MAGI1: variants seen among roughly 807,000 people sequenced by gnomAD.
The protein encoded by MAGI1 is membrane associated guanylate kinase, WW and PDZ domain containing 1, also known as membrane-associated guanylate kinase, WW and PDZ domain-containing protein 1.
MAGI1 carries 58 observed loss-of-function variants against 139.9 expected under a neutral mutation model. The ratio of observed to expected loss-of-function variants is 0.41; its 90% CI spans 0.34 to 0.52. The LOEUF (loss-of-function observed/expected upper bound fraction) is 0.52. MAGI1 is among the 20% of genes least tolerant of loss of function. MAGI1 has a pLI of 0.12. For missense variants in MAGI1, 1,874 were observed against 1,901.6 expected, an observed-to-expected ratio of 0.99 and a Z score of 0.27; for synonymous variants, 812 against 737.9, an observed-to-expected ratio of 1.10 and a Z score of -1.63.
At chr3:65,859,059 A>G (rs1357222871) in intron 1 of MAGI1, among the ~76,000 whole-genome samples, 1 of 152,168 alleles carries the variant, frequency 6.6e-6, no homozygotes, top group Non-Finnish European at 1.5e-5. Flanking sequence ...CTGGCTAGGC[A>G]TGGTGGCTTA....
chr3:65,631,211 G>A (rs1282651686), intron 1 of MAGI1, among the ~76,000 whole-genome samples: 2 of 152,140 alleles, frequency 1.3e-5, no homozygotes, highest in Non-Finnish European at 2.9e-5. Context: ...CATGATGGAG[G>A]AAGACACCAC....
At chr3:65,858,678 A>G (rs954197050) in intron 1 of MAGI1, among the ~76,000 whole-genome samples, 2 of 152,178 alleles carry the variant, frequency 1.3e-5, no homozygotes, top group African/African-American at 4.8e-5. Context: ...GTGACCAGAA[A>G]TCTTTGCTTT....
intron 1 of MAGI1, among the ~76,000 whole-genome samples, chr3:65,763,753 A>T (rs924619469): frequency 7.1e-6 from 1 of 141,450 alleles, no homozygotes; most frequent in Non-Finnish European, 1.5e-5. Context: ...AAGTGCTTTT[A>T]AAAAAAAAAA....
intron 1 of MAGI1, 69 bp downstream of exon 1, chr3:66,037,927 G>T: frequency 6.6e-7 from 1 of 1,510,904 alleles, no homozygotes; most frequent in South Asian, 1.3e-5. Context: ...AGGAAATCGA[G>T]AATAAGGGGC....
At chr3:65,859,203 C>T (rs2059465615) in intron 1 of MAGI1, among the ~76,000 whole-genome samples, 1 of 151,712 alleles carries the variant, frequency 6.6e-6, no homozygotes. Context: ...CATGGTGGCG[C>T]ATGCCTGTAA....
At position 65,607,981 on chromosome 3, in the gene MAGI1, G is replaced by A. The variant is rs571041734; in HGVS notation, c.430+13991C>T. ...AATGTTTTAATACTACTTAATCCTC[G>A]TGTGATTCTCACCACAACCTACAAA... On this transcript the variant is annotated intron_variant, in intron 2 of 22. Transcript: ENST00000402939. 1.6e-4 allele frequency among the ~76,000 whole-genome samples: 25 copies of A among 152,242 alleles called. 1 individual carries two copies. In the East Asian group the frequency reaches 2.3e-3, roughly 14 times the overall value.
intron 1 of MAGI1, among the ~76,000 whole-genome samples, chr3:65,850,642 G>A (rs1338591223): frequency 5.9e-5 from 9 of 152,102 alleles, no homozygotes; most frequent in Admixed American, 5.9e-4. Flanking sequence ...TTTGTCCTCT[G>A]TTTTTACAGG....
intron 8 of MAGI1, among the ~76,000 whole-genome samples, chr3:65,442,131 C>T (rs1461398348): frequency 1.3e-5 from 2 of 149,996 alleles, no homozygotes; most frequent in South Asian, 2.1e-4. Context: ...TAATATCATC[C>T]TATCCATCAA....
rs141795130 is a variant in MAGI1 at position 65,931,583 on chromosome 3, T to G, written c.313+106413A>C. On this transcript the variant is annotated intron_variant, in intron 1 of 22. Coordinates refer to ENST00000402939, the MANE Select transcript of MAGI1 (RefSeq NM_001033057.2). ...GGGAGGCTGAGGTGGGAGGATCATT[T>G]GAGCCCAGAAGTCAAGGTTGCAGTG... Among the ~76,000 whole-genome samples the G allele has an allele frequency of 6.9e-3, 1,046 of 152,340 alleles. 6 individuals are homozygous for G. Among genetic ancestry groups the G allele is most frequent in the Non-Finnish European group, 0.011 (778 of 68,024 alleles).
chr3:65,503,166 T>C (rs1050763209), intron 2 of MAGI1, among the ~76,000 whole-genome samples: 4 of 152,208 alleles, frequency 2.6e-5, no homozygotes. Flanking sequence ...TTTGGGTCTG[T>C]GTCTAATCAG....
chr3:65,808,452 C>T (rs566670199), intron 1 of MAGI1, among the ~76,000 whole-genome samples: 24 of 152,012 alleles, frequency 1.6e-4, no homozygotes, highest in Admixed American at 4.6e-4. Flanking sequence ...TCACCCAAAT[C>T]GTGCCACTGC....
chr3:65,998,105 G>GAAAA (rs374034371), intron 1 of MAGI1, among the ~76,000 whole-genome samples: 2 of 122,480 alleles, frequency 1.6e-5, no homozygotes, highest in Admixed American at 8.4e-5. Flanking sequence ...TCTGTCTCGG[G>GAAAA]AAAAAAAAAA....
intron 1 of MAGI1, among the ~76,000 whole-genome samples, chr3:65,822,514 C>T (rs538762123): frequency 1.2e-4 from 18 of 151,816 alleles, no homozygotes; most frequent in Non-Finnish European, 2.4e-4. Context: ...GGCAACAGAG[C>T]GAGACTCTGT....
chr3:65,575,245 C>T (rs1166822742), intron 2 of MAGI1, among the ~76,000 whole-genome samples: 4 of 151,928 alleles, frequency 2.6e-5, no homozygotes, highest in African/African-American at 9.7e-5. Context: ...GAATTAAACA[C>T]TTTAACAAAA....
At chr3:65,715,895 C>G (rs574483632) in intron 1 of MAGI1, among the ~76,000 whole-genome samples, 1 of 152,200 alleles carries the variant, frequency 6.6e-6, no homozygotes, top group African/African-American at 2.4e-5. Flanking sequence ...ATTTAGTAAA[C>G]CAAAGCCAAG....
At chr3:65,504,703 A>G (rs1179259054) in intron 2 of MAGI1, among the ~76,000 whole-genome samples, 1 of 152,214 alleles carries the variant, frequency 6.6e-6, no homozygotes, top group African/African-American at 2.4e-5. Context: ...GAAAGCTGGT[A>G]AAACCCTTCC....
At chr3:65,808,656 C>A (rs151062550) in intron 1 of MAGI1, among the ~76,000 whole-genome samples, 1 of 152,276 alleles carries the variant, frequency 6.6e-6, no homozygotes, top group Non-Finnish European at 1.5e-5. Context: ...AAGTTACATA[C>A]CCGTGGGACC....
At chr3:65,918,820 C>T (rs1560012426) in intron 1 of MAGI1, among the ~76,000 whole-genome samples, 1 of 152,030 alleles carries the variant, frequency 6.6e-6, no homozygotes, top group East Asian at 1.9e-4. Context: ...CAAATTATCC[C>T]TACCAACAAA....
intron 1 of MAGI1, among the ~76,000 whole-genome samples, chr3:65,904,751 T>C (rs145253623): frequency 2.1e-3 from 322 of 152,346 alleles, no homozygotes; most frequent in Non-Finnish European, 3.2e-3. Context: ...GTTTACAGCC[T>C]GCCTCCCTCT....
Sources: gnomAD v4.1 joint callset for allele counts (sites outside exome capture counted in the v4.1 genomes callset) on GRCh38, gnomAD v4.1.1 for gene constraint, MANE v1.5 for transcripts, NCBI Gene and HGNC (gene_info 2026-07-23, HGNC 2026-07-21) for gene names.